The following GCNT2 variants were observed in gnomAD, a reference collection of about 807,000 sequenced individuals.
GCNT2 encodes the protein glucosaminyl (N-acetyl) transferase 2 (I blood group).
A neutral mutation model predicts 34.2 loss-of-function variants in GCNT2; 34 were observed. That is an observed-to-expected ratio of 1.00 (90% confidence interval 0.76 to 1.32). The LOEUF is 1.32. Among genes scored for constraint, GCNT2 ranks in the 40% most tolerant of loss-of-function variants. GCNT2 has a pLI of 0.00. For missense variants in GCNT2, 584 were observed against 489.4 expected (o/e 1.19, Z -1.82); for synonymous variants, 212 against 188.0 (o/e 1.13, Z -1.04).
In GCNT2 at chr6:10,588,870, TG is replaced by T. The variant is rs1264259018; in HGVS notation, c.926-32477del. The stretch of plus-strand genomic sequence containing the variant: ...TGTGTGGTGTGTATGTGTATGTGTG[TG>T]GGGTATGTGTGTTTGTAGCGTGTGT... On this transcript the variant is annotated intron_variant, in intron 3 of 4. Coordinates refer to ENST00000495262, the MANE Select transcript of GCNT2 (RefSeq NM_145649.5). Among the ~76,000 whole-genome samples the T allele has an allele frequency of 3.6e-5, 5 of 140,094 alleles. 1 individual carries two copies. In the South Asian group the frequency reaches 1.2e-3, roughly 33 times the overall value. 91.9% of individuals were successfully genotyped at this position (140,094 alleles called of 152,430 possible).
intron 3 of GCNT2, among the ~76,000 whole-genome samples, chr6:10,617,266 AG>A (rs1168011142): frequency 1.3e-5 from 2 of 152,200 alleles, no homozygotes; most frequent in African/African-American, 4.8e-5. Context: ...GCAGGTGCTA[AG>A]CCCCTCACTG....
chr6:10,528,841 TG>T lies in GCNT2; in HGVS notation c.-70del, dbSNP rs1318102330. ...GGATGATTTCGGAACCTGGAGAAAATGTAAGTTAAATATATCTACACTCTGA... is the reference window on the plus strand; with the variant it reads ...GGATGATTTCGGAACCTGGAGAAAATTAAGTTAAATATATCTACACTCTGA... On this transcript the variant is annotated 5_prime_UTR_variant, in exon 3 of 5. An upstream start codon of the reference 5' UTR is lost. Transcript: ENST00000495262. 6 of 1,266,044 alleles carry T rather than the reference TG, an allele frequency of 4.7e-6. No homozygotes were observed. In the African/African-American group the frequency reaches 8.8e-5, roughly 19 times the overall value. The allele number at this position is 1,266,044 out of a possible 1,614,324, so 78.4% of individuals were successfully genotyped here.
chr6:10,558,681 G>A (rs555945020), intron 3 of GCNT2, among the ~76,000 whole-genome samples: 3 of 152,320 alleles, frequency 2.0e-5, no homozygotes, highest in Admixed American at 1.3e-4. Flanking sequence ...TGCCAAGTTC[G>A]AAAGGCTGGT....
intron 3 of GCNT2, among the ~76,000 whole-genome samples, chr6:10,533,176 C>T (rs1423617400): frequency 2.0e-5 from 3 of 151,670 alleles, no homozygotes; most frequent in South Asian, 2.1e-4. Context: ...TGTGGTGGCA[C>T]GTGCCTGTAA....
chr6:10,626,860 A>T lies in GCNT2; in HGVS notation c.*253A>T. 1 of 489,096 alleles carries T rather than the reference A, an allele frequency of 2.0e-6. No homozygotes were observed. The highest frequency in any genetic ancestry group is 3.7e-6 in the Non-Finnish European group (1 of 269,906). The allele number at this position is 489,096 out of a possible 1,614,324, so 30.3% of individuals were successfully genotyped here. ...GTTTCTTGATGCTCACCTCTATATT[A>T]GTTTATTGTTAGGATCAATGATAAA... On this transcript the variant is annotated 3_prime_UTR_variant, in exon 5 of 5. Coordinates refer to ENST00000495262, the MANE Select transcript of GCNT2 (RefSeq NM_145649.5).
intron 3 of GCNT2, among the ~76,000 whole-genome samples, chr6:10,552,203 G>A (rs1762515811): frequency 6.6e-6 from 1 of 152,088 alleles, no homozygotes; most frequent in South Asian, 2.1e-4. Context: ...AACAAATCCA[G>A]AGAATGTCTT....
At chr6:10,582,208 T>G (rs1168532783) in intron 3 of GCNT2, among the ~76,000 whole-genome samples, 1 of 114,452 alleles carries the variant, frequency 8.7e-6, no homozygotes, top group South Asian at 2.4e-4. Context: ...ATATAAAATT[T>G]ATTATATATA....
chr6:10,587,519 G>C (rs1163935081), intron 3 of GCNT2, among the ~76,000 whole-genome samples: 3 of 152,180 alleles, frequency 2.0e-5, no homozygotes, highest in Admixed American at 6.5e-5. Context: ...ACAAAGAGTT[G>C]GAACATACGG....
At chr6:10,626,385 T>G in intron 4 of GCNT2, 32 bp from the exon 5 acceptor site, 3 of 1,525,214 alleles carry the variant, frequency 2.0e-6, no homozygotes, top group Non-Finnish European at 2.7e-6. Context: ...GCAAGCATGT[T>G]TTGACTCTGT....
chr6:10,545,157 T>G lies in GCNT2; in HGVS notation c.925+15321T>G, dbSNP rs114003157. On this transcript the variant is annotated intron_variant, in intron 3 of 4. Transcript: ENST00000495262. ...TCCTTTCTAATAAAACTGTATCTTC[T>G]CTTTCTAGTCTATATCCTTTTCCTC... Among the ~76,000 whole-genome samples the G allele has an allele frequency of 9.3e-3, 1,414 of 152,142 alleles. 21 individuals are homozygous for G. Among genetic ancestry groups the G allele is most frequent in the African/African-American group, 0.032 (1,344 of 41,504 alleles).
intron 3 of GCNT2, among the ~76,000 whole-genome samples, chr6:10,600,981 G>A (rs956943551): frequency 6.6e-5 from 10 of 151,902 alleles, no homozygotes; most frequent in African/African-American, 1.9e-4. Context: ...TTGTAGAGAT[G>A]GGGTTTCGCC....
In GCNT2 at chr6:10,601,958, AAAC is replaced by A. The variant is rs1561830995; in HGVS notation, c.926-19390_926-19388del. On this transcript the variant is annotated intron_variant, in intron 3 of 4. Transcript: ENST00000495262. Reference sequence around the variant, plus strand: ...TCCATCTCAAGAAAAAAAAAAAAAAAAACAAAAAAAACACTAAAGCCCTTGATG... The same window carrying A: ...TCCATCTCAAGAAAAAAAAAAAAAAAAAAAAAAACACTAAAGCCCTTGATG... Among the ~76,000 whole-genome samples, 1,234 of 136,010 alleles carry A rather than the reference AAAC, an allele frequency of 9.1e-3. 55 individuals are homozygous for A. The highest frequency in any genetic ancestry group is 0.033 in the African/African-American group (1,036 of 31,360). 89.2% of individuals were successfully genotyped at this position (136,010 alleles called of 152,430 possible).
chr6:10,565,910 G>A (rs545748722), intron 3 of GCNT2, among the ~76,000 whole-genome samples: 10 of 152,184 alleles, frequency 6.6e-5, no homozygotes, highest in Admixed American at 2.6e-4. Flanking sequence ...ATGATCATGC[G>A]ATCACATCCC....
At chr6:10,565,983 A>T (rs1458921983) in intron 3 of GCNT2, among the ~76,000 whole-genome samples, 9 of 152,068 alleles carry the variant, frequency 5.9e-5, no homozygotes, top group Admixed American at 5.9e-4. Flanking sequence ...GCATCCCAGC[A>T]CCTTCACCAA....
At chr6:10,551,174 C>T (rs1762461585) in intron 3 of GCNT2, among the ~76,000 whole-genome samples, 1 of 152,158 alleles carries the variant, frequency 6.6e-6, no homozygotes, top group Non-Finnish European at 1.5e-5. Context: ...CTGCCCCTAG[C>T]CACATGCGCC....
chr6:10,586,348 C>G lies in GCNT2; in HGVS notation c.926-35003C>G, dbSNP rs772210965. On this transcript the variant is annotated intron_variant, in intron 3 of 4. Transcript: ENST00000495262. ...AGGCTCTTTAGGGCTATCTATATGC[C>G]CCAAAATGTCTACTGTGTTCACGTG... 9 of 1,613,890 alleles carry G rather than the reference C, an allele frequency of 5.6e-6. No homozygotes were observed. In the South Asian group the frequency reaches 9.9e-5, roughly 18 times the overall value.
intron 3 of GCNT2, among the ~76,000 whole-genome samples, chr6:10,582,481 T>C (rs1310275574): frequency 8.0e-6 from 1 of 125,472 alleles, no homozygotes; most frequent in Non-Finnish European, 1.6e-5. Context: ...TATACTATAA[T>C]ATATACTATA....
intron 3 of GCNT2, among the ~76,000 whole-genome samples, chr6:10,583,602 G>C (rs981331940): frequency 2.0e-5 from 3 of 152,178 alleles, no homozygotes; most frequent in Admixed American, 2.0e-4. Flanking sequence ...CCAGACCTGT[G>C]CTTTTCCTGG....
intron 3 of GCNT2, among the ~76,000 whole-genome samples, chr6:10,547,549 G>A (rs2113620292): frequency 6.6e-6 from 1 of 152,336 alleles, no homozygotes; most frequent in Non-Finnish European, 1.5e-5. Flanking sequence ...TAATGCTGTA[G>A]AGCCTTATAA....
Sources: gnomAD v4.1 joint callset for allele counts (sites outside exome capture counted in the v4.1 genomes callset) on GRCh38, gnomAD v4.1.1 for gene constraint, MANE v1.5 for transcripts, NCBI Gene and HGNC (gene_info 2026-07-23, HGNC 2026-07-21) for gene names.